The following NFIB variants were observed in gnomAD, a reference collection of about 807,000 sequenced individuals.
NFIB encodes the protein nuclear factor 1 B-type.
Under a neutral mutation model 61.5 loss-of-function variants are expected in NFIB, and 11 were observed. The ratio of observed to expected loss-of-function variants is 0.18; its 90% confidence interval spans 0.11 to 0.30. NFIB has a LOEUF of 0.30. Ranked by LOEUF, NFIB falls within the 10% of genes least tolerant of loss-of-function variation. NFIB has a pLI of 1.00. For missense variants in NFIB, 471 were observed against 608.9 expected (o/e 0.77, Z 2.38); for synonymous variants, 260 against 216.5 (o/e 1.20, Z -1.76).
At chr9:14,168,001 T>C (rs1019763202) in intron 3 of NFIB, among the ~76,000 whole-genome samples, 2 of 152,212 alleles carry the variant, frequency 1.3e-5, no homozygotes, top group African/African-American at 4.8e-5. Flanking sequence ...CTCTACAAAA[T>C]TCATCATCAG....
At chr9:14,111,074 G>C (rs537558066) in intron 10 of NFIB, among the ~76,000 whole-genome samples, 1 of 151,978 alleles carries the variant, frequency 6.6e-6, no homozygotes, top group Non-Finnish European at 1.5e-5. Context: ...AAGTGGTCTC[G>C]ATTCAATGTT....
At chr9:14,491,693 T>A in the NFIB span, among the ~76,000 whole-genome samples, 13 of 152,122 alleles carry the variant, frequency 8.5e-5, no homozygotes, top group Non-Finnish European at 1.5e-4. Flanking sequence ...ATCTATTGAG[T>A]TTTTTCTACC....
At chr9:14,383,129 C>T (rs1313891210) in intron 1 of NFIB, among the ~76,000 whole-genome samples, 1 of 152,184 alleles carries the variant, frequency 6.6e-6, no homozygotes, top group East Asian at 1.9e-4. Flanking sequence ...GTCTTTGAAA[C>T]TCTTACCTAC....
chr9:14,495,721 TAGAAGCTTAGTGTACA>T, the NFIB span, among the ~76,000 whole-genome samples: 2 of 152,122 alleles, frequency 1.3e-5, no homozygotes, highest in African/African-American at 4.8e-5. Flanking sequence ...TGGGAGACAA[TAGAAGCTTAGTGTACA>T]AGAAAAGCCT....
the NFIB span, among the ~76,000 whole-genome samples, chr9:14,410,476 G>C: frequency 6.6e-6 from 1 of 152,140 alleles, no homozygotes; most frequent in Non-Finnish European, 1.5e-5. Flanking sequence ...AAGAGGTTAG[G>C]AGATTTGGGA....
At chr9:14,146,567 T>A (rs2042296005) in intron 6 of NFIB, 122 bp downstream of exon 6, 1 of 1,358,850 alleles carries the variant, frequency 7.4e-7, no homozygotes, top group Non-Finnish European at 1.0e-6. Flanking sequence ...TCTACAGGAA[T>A]CATTTTATGA....
intron 2 of NFIB, among the ~76,000 whole-genome samples, chr9:14,199,534 G>A (rs2048799633): frequency 6.6e-6 from 1 of 152,196 alleles, no homozygotes; most frequent in Admixed American, 6.5e-5. Flanking sequence ...GAAGTGGTAA[G>A]GCAGCATCTT....
chr9:14,134,477 G>A (rs2040766851), intron 6 of NFIB, among the ~76,000 whole-genome samples: 1 of 152,126 alleles, frequency 6.6e-6, no homozygotes. Context: ...GTTACATGCA[G>A]TGATGTTCAC....
At chr9:14,169,592 G>A (rs1016573346) in intron 3 of NFIB, among the ~76,000 whole-genome samples, 1 of 152,144 alleles carries the variant, frequency 6.6e-6, no homozygotes, top group Non-Finnish European at 1.5e-5. Flanking sequence ...AGGCCAGGGT[G>A]GGCGGATCAC....
chr9:14,405,540 G>T, the NFIB span, among the ~76,000 whole-genome samples: 6 of 152,326 alleles, frequency 3.9e-5, no homozygotes, highest in Middle Eastern at 6.8e-3. Flanking sequence ...TAACTCAAAA[G>T]ACAGGCCAAG....
chr9:14,164,945 C>G (rs1176315804), intron 3 of NFIB, among the ~76,000 whole-genome samples: 1 of 152,154 alleles, frequency 6.6e-6, no homozygotes, highest in Non-Finnish European at 1.5e-5. Flanking sequence ...ACACCACATT[C>G]AGAATGTGGT....
chr9:14,519,615 T>C, the NFIB span, among the ~76,000 whole-genome samples: 1 of 152,184 alleles, frequency 6.6e-6, no homozygotes, highest in Non-Finnish European at 1.5e-5. Flanking sequence ...GGCATTTTAC[T>C]GCGGTGCGTT....
At chr9:14,406,426 A>T in the NFIB span, among the ~76,000 whole-genome samples, 3 of 152,212 alleles carry the variant, frequency 2.0e-5, no homozygotes, top group African/African-American at 7.2e-5. Context: ...ATGGTGAGCC[A>T]TGAATCTGGA....
At chr9:14,243,489 T>C (rs2054558765) in intron 2 of NFIB, among the ~76,000 whole-genome samples, 1 of 152,058 alleles carries the variant, frequency 6.6e-6, no homozygotes, top group Non-Finnish European at 1.5e-5. Context: ...AGGAGCAGGT[T>C]TGGGGGTGGA....
intron 10 of NFIB, among the ~76,000 whole-genome samples, chr9:14,104,334 CG>C (rs1469796069): frequency 6.6e-6 from 1 of 151,920 alleles, no homozygotes; most frequent in East Asian, 1.9e-4. Context: ...TTCAGTCTAG[CG>C]GGAAGCAATA....
At chr9:14,523,750 T>C in the NFIB span, among the ~76,000 whole-genome samples, 5 of 152,164 alleles carry the variant, frequency 3.3e-5, no homozygotes, top group Non-Finnish European at 5.9e-5. Flanking sequence ...GATAAAAGAA[T>C]TGCGACAGTT....
At chr9:14,401,129 G>C (rs948069989), upstream of NFIB, among the ~76,000 whole-genome samples, 35 of 152,190 alleles carry the variant, frequency 2.3e-4, no homozygotes, top group African/African-American at 8.4e-4. Flanking sequence ...ACAATTCCAA[G>C]TCTTTATCAA....
chr9:14,218,255 A>C (rs1161223138), intron 2 of NFIB, among the ~76,000 whole-genome samples: 1 of 152,192 alleles, frequency 6.6e-6, no homozygotes, highest in Admixed American at 6.5e-5. Context: ...TAGAAAATAA[A>C]ATGATTTTTT....
intron 6 of NFIB, among the ~76,000 whole-genome samples, chr9:14,140,062 T>G (rs1353432356): frequency 6.6e-6 from 1 of 152,202 alleles, no homozygotes; most frequent in African/African-American, 2.4e-5. Flanking sequence ...CAAAAGCATT[T>G]GTAGCTCTCT....
Sources: gnomAD v4.1 joint callset for allele counts (sites outside exome capture counted in the v4.1 genomes callset) on GRCh38, gnomAD v4.1.1 for gene constraint, MANE v1.5 for transcripts, NCBI Gene and HGNC (gene_info 2026-07-23, HGNC 2026-07-21) for gene names.